The following LDB2 variants were observed in gnomAD, a reference collection of about 807,000 sequenced individuals.
LDB2 encodes the protein LIM domain-binding protein 2.
Under a neutral mutation model 44.3 loss-of-function variants are expected in LDB2, and 12 were observed. The ratio of observed to expected loss-of-function variants is 0.27; its 90% CI spans 0.17 to 0.44. The LOEUF is 0.44. Among genes scored for constraint, LDB2 ranks in the 20% least tolerant of loss-of-function variants. LDB2 has a pLI of 1.00. For synonymous variants in LDB2, 164 were observed against 174.8 expected (o/e 0.94, Z 0.49); for missense variants, 344 against 473.5 (o/e 0.73, Z 2.54).
At chr4:16,626,070 T>G (rs1247669506) in intron 2 of LDB2, among the ~76,000 whole-genome samples, 1 of 152,236 alleles carries the variant, frequency 6.6e-6, no homozygotes. Context: ...GAACCATGGC[T>G]TTGTGCATTA....
At chr4:16,851,312 C>T (rs1788186288) in intron 1 of LDB2, among the ~76,000 whole-genome samples, 1 of 151,926 alleles carries the variant, frequency 6.6e-6, no homozygotes, top group South Asian at 2.1e-4. Flanking sequence ...TTAGGCAAAA[C>T]CAACCAAATA....
At chr4:16,749,923 G>A (rs1336950057) in intron 2 of LDB2, among the ~76,000 whole-genome samples, 1 of 152,124 alleles carries the variant, frequency 6.6e-6, no homozygotes, top group African/African-American at 2.4e-5. Context: ...GTCTTTCCCA[G>A]GCTCAATCTT....
chr4:16,805,386 T>A (rs1191508173), intron 1 of LDB2, among the ~76,000 whole-genome samples: 1 of 152,234 alleles, frequency 6.6e-6, no homozygotes, highest in Non-Finnish European at 1.5e-5. Context: ...TATGAACAGA[T>A]AAATTCTACC....
chr4:16,556,296 A>G (rs1446981437), intron 5 of LDB2, among the ~76,000 whole-genome samples: 2 of 152,240 alleles, frequency 1.3e-5, no homozygotes, highest in African/African-American at 4.8e-5. Flanking sequence ...GGCATCCAGT[A>G]GGCATCCTTT....
At chr4:16,897,530 C>A (rs1580590180) in intron 1 of LDB2, among the ~76,000 whole-genome samples, 1 of 152,080 alleles carries the variant, frequency 6.6e-6, no homozygotes, top group Non-Finnish European at 1.5e-5. Context: ...TTAAAAAGTT[C>A]TGAAAGTCCT....
chr4:16,818,909 G>A (rs1781431810), intron 1 of LDB2, among the ~76,000 whole-genome samples: 1 of 152,158 alleles, frequency 6.6e-6, no homozygotes, highest in Non-Finnish European at 1.5e-5. Flanking sequence ...TCTGGATTTT[G>A]GTCTTCCAAT....
chr4:16,776,386 T>C (rs1056134544), intron 1 of LDB2, among the ~76,000 whole-genome samples: 4 of 152,204 alleles, frequency 2.6e-5, no homozygotes, highest in Admixed American at 2.0e-4. Flanking sequence ...ATCTTAGTGA[T>C]GGCTAAAGTG....
At chr4:16,657,598 G>C (rs2152535068) in intron 2 of LDB2, among the ~76,000 whole-genome samples, 1 of 152,246 alleles carries the variant, frequency 6.6e-6, no homozygotes, top group Admixed American at 6.5e-5. Context: ...TCTGACCACT[G>C]TTGTCATATC....
At chr4:16,736,956 C>A (rs865850940) in intron 2 of LDB2, among the ~76,000 whole-genome samples, 1 of 152,050 alleles carries the variant, frequency 6.6e-6, no homozygotes, top group Non-Finnish European at 1.5e-5. Flanking sequence ...AAAAACTATT[C>A]ATAAATTTAT....
chr4:16,719,024 A>C (rs183989654), intron 2 of LDB2, among the ~76,000 whole-genome samples: 32 of 152,264 alleles, frequency 2.1e-4, no homozygotes, highest in Admixed American at 1.0e-3. Flanking sequence ...ACTCAAAATA[A>C]ATAGGCATAT....
intron 2 of LDB2, 116 bp from the exon 3 acceptor site, chr4:16,595,991 AC>A: frequency 9.8e-7 from 1 of 1,016,908 alleles, no homozygotes; most frequent in Non-Finnish European, 1.4e-6. Flanking sequence ...AAGAAACCAT[AC>A]CAGGAGGCAA....
chr4:16,739,830 C>G (rs571608361), intron 2 of LDB2, among the ~76,000 whole-genome samples: 1 of 146,396 alleles, frequency 6.8e-6, no homozygotes, highest in Non-Finnish European at 1.5e-5. Flanking sequence ...AAATTATAAT[C>G]GCAATATAAA....
Position 16,502,660 on chromosome 4 carries a change from G to T in LDB2, c.1105C>A (p.Pro369Thr), listed in dbSNP as rs780991518. 2.5e-6 allele frequency: 4 copies of T among 1,613,898 alleles called. No individual in the cohort carries two copies. Among genetic ancestry groups the T allele is most frequent in the Non-Finnish European group, 3.4e-6 (4 of 1,179,822 alleles). Residue 369 changes from proline (P) to threonine (T), a missense_variant, in exon 8 of 8, where the codon CCC becomes ACC. Pro to Thr is a conservative substitution (Grantham distance 38). Around this residue, in one of 3 missense-constraint regions of LDB2, gnomAD observed 32 missense variants for 32.3 expected, o/e 0.99. Transcript: ENST00000304523. ...CGATCATCTTATTGGGAAGCCTGGG[G>T]TGGGGGGTTTTCTGATTTGGTCTCT... ...TQETKSENPP[P>T]QASQ
chr4:16,616,956 A>T (rs978692150), intron 2 of LDB2, among the ~76,000 whole-genome samples: 2 of 152,168 alleles, frequency 1.3e-5, no homozygotes, highest in African/African-American at 4.8e-5. Flanking sequence ...ACATAATAAC[A>T]TCTCTTCAAT....
intron 1 of LDB2, among the ~76,000 whole-genome samples, chr4:16,838,152 G>A (rs755823109): frequency 5.3e-5 from 8 of 152,192 alleles, no homozygotes; most frequent in Non-Finnish European, 1.0e-4. Flanking sequence ...CTTGAGCCAT[G>A]AGTTTTTCCA....
chr4:16,519,767 G>A (rs1455819574), intron 5 of LDB2, among the ~76,000 whole-genome samples: 1 of 151,670 alleles, frequency 6.6e-6, no homozygotes, highest in Non-Finnish European at 1.5e-5. Flanking sequence ...AGAAAATGGG[G>A]ATAATACTAC....
rs1560538749 is a variant in LDB2 at position 16,582,008 on chromosome 4, AGG to A, written c.615+3912_615+3913del. Reference sequence around the variant, plus strand: ...GGAAGGAAGGGAAGGAAGGGAAGGAAGGAAGGAAGGAAGGAAGGAAGGAAGGA... The same window carrying A: ...GGAAGGAAGGGAAGGAAGGGAAGGAAAAGGAAGGAAGGAAGGAAGGAAGGA... On this transcript the variant is annotated intron_variant, in intron 5 of 7. Coordinates refer to ENST00000304523, the MANE Select transcript of LDB2 (RefSeq NM_001290.5). This position sits in a 1 kb window ranked among gnomAD's most constrained non-coding sequence, Gnocchi z 4.8. 7.9e-5 allele frequency among the ~76,000 whole-genome samples: 7 copies of A among 88,152 alleles called. No homozygotes were observed. In the East Asian group the frequency reaches 1.3e-3, roughly 16 times the overall value. 57.8% of individuals were successfully genotyped at this position (88,152 alleles called of 152,430 possible).
At chr4:16,549,895 C>G (rs977775272) in intron 5 of LDB2, among the ~76,000 whole-genome samples, 5 of 152,164 alleles carry the variant, frequency 3.3e-5, no homozygotes, top group Non-Finnish European at 5.9e-5. Flanking sequence ...GTTAATGGCT[C>G]TAGTAGGAGG....
At chr4:16,872,373 T>C (rs1278941314) in intron 1 of LDB2, among the ~76,000 whole-genome samples, 1 of 152,188 alleles carries the variant, frequency 6.6e-6, no homozygotes, top group Non-Finnish European at 1.5e-5. Context: ...TGAACTTCAA[T>C]CATTCATCCA....
Sources: allele counts gnomAD v4.1 joint callset (sites outside exome capture counted in the v4.1 genomes callset), GRCh38; gene constraint gnomAD v4.1.1; regional missense constraint gnomAD v4.1.1; non-coding constraint Gnocchi (gnomAD v3.1); transcripts MANE v1.5; gene names NCBI Gene and HGNC (gene_info 2026-07-23, HGNC 2026-07-21).